The following MYO19 variants were observed in gnomAD, a reference collection of about 807,000 sequenced individuals.
MYO19 encodes unconventional myosin-XIX.
Under a neutral mutation model 129.2 loss-of-function variants are expected in MYO19, and 132 were observed. The ratio of observed to expected loss-of-function variants is 1.02; its 90% CI spans 0.89 to 1.18. MYO19 has a LOEUF of 1.18. Ranked by LOEUF, MYO19 falls within the 50% of genes most tolerant of loss-of-function variation. MYO19 has a pLI of 0.00. For synonymous variants in MYO19, 531 were observed against 477.2 expected (o/e 1.11, Z -1.47); for missense variants, 1,210 against 1,216.7 (o/e 0.99, Z 0.08).
rs889893403 is a variant in MYO19, at chr17:36,498,367, C to A, written c.2656G>T (p.Val886Phe). Reference sequence around the variant, plus strand: ...CTGGGGAGCTGGAGGCAAGCCCAGACCACTAATTTCCTCTGAAAGCTGCCT... The same window carrying A: ...CTGGGGAGCTGGAGGCAAGCCCAGAACACTAATTTCCTCTGAAAGCTGCCT... The part of the protein sequence containing the change: ...GVGSFQRKLV[V>F]WACLQLPRGS... Residue 886 changes from valine (V) to phenylalanine (F), a missense_variant, in exon 25 of 26, where the codon GTC becomes TTC. Physicochemically the swap from Val to Phe is conservative, Grantham distance 50. Transcript: ENST00000614623. 6.2e-7 allele frequency: 1 copy of A among 1,614,016 alleles called. No individual in the cohort carries two copies. The highest frequency in any genetic ancestry group is 1.7e-5 in the Admixed American group (1 of 60,028).
At chr17:36,510,657 C>G in intron 13 of MYO19, 89 bp downstream of exon 13, 1 of 1,416,840 alleles carries the variant, frequency 7.1e-7, no homozygotes, top group South Asian at 1.4e-5. Context: ...TGGGCCTGTG[C>G]CTATTGCCTG....
chr17:36,537,217 T>C, upstream of MYO19: 1 of 1,614,208 alleles, frequency 6.2e-7, no homozygotes, highest in Non-Finnish European at 8.5e-7. Flanking sequence ...AGAGGGTTCC[T>C]GATCATTTTC....
chr17:36,523,196 A>C lies in MYO19; in HGVS notation c.414+2032T>G, dbSNP rs572275257. 4.5e-4 allele frequency among the ~76,000 whole-genome samples: 69 copies of C among 151,776 alleles called. No individual in the cohort carries two copies. In the South Asian group the frequency reaches 5.2e-3, roughly 11 times the overall value. On this transcript the variant is annotated intron_variant, in intron 6 of 25. Coordinates refer to ENST00000614623, the MANE Select transcript of MYO19 (RefSeq NM_001163735.2). ...AAACCCTGTCTCAAAAAAAAAAAAA[A>C]AAAAACAAAAACAAAATAAAGAGAA... is the stretch of plus-strand genomic sequence containing the variant.
chr17:36,501,415 T>G (rs983478957), intron 21 of MYO19, 180 bp from the exon 22 acceptor site: 23 of 643,194 alleles, frequency 3.6e-5, no homozygotes, highest in African/African-American at 3.5e-4. Flanking sequence ...CTGTTGTCCC[T>G]CAGGGTGCTA....
intron 3 of MYO19, among the ~76,000 whole-genome samples, chr17:36,528,659 A>G (rs2073643494): frequency 6.6e-6 from 1 of 152,214 alleles, no homozygotes; most frequent in African/African-American, 2.4e-5. Flanking sequence ...GCCTCTTAGT[A>G]GCCCTGTGAG....
At chr17:36,510,650 G>A in intron 13 of MYO19, 96 bp downstream of exon 13, 3 of 1,363,930 alleles carry the variant, frequency 2.2e-6, no homozygotes, top group South Asian at 1.4e-5. Context: ...CCCACCCTGG[G>A]CCTGTGCCTA....
At chr17:36,513,602 C>A in intron 10 of MYO19, 27 bp downstream of exon 10, 2 of 1,613,844 alleles carry the variant, frequency 1.2e-6, no homozygotes, top group Non-Finnish European at 1.7e-6. Context: ...TGGGTCAGCG[C>A]AAGGTGCTGG....
upstream of MYO19, chr17:36,537,550 C>G (rs1349945345): frequency 1.9e-6 from 3 of 1,614,156 alleles, no homozygotes; most frequent in South Asian, 3.3e-5. Context: ...GTGGACTTCC[C>G]ACTTTTTCCC....
At chr17:36,517,329 G>A (rs1475303964) in intron 6 of MYO19, among the ~76,000 whole-genome samples, 4 of 152,044 alleles carry the variant, frequency 2.6e-5, no homozygotes, top group Non-Finnish European at 5.9e-5. Flanking sequence ...GCACGATCTC[G>A]GCTCACTGCA....
Position 36,511,355 on chromosome 17 carries a change from T to C in MYO19, c.985+10A>G. 1 of 1,568,844 alleles carries C rather than the reference T, an allele frequency of 6.4e-7. No individual in the cohort carries two copies. Among genetic ancestry groups the C allele is most frequent in the Non-Finnish European group, 8.6e-7 (1 of 1,156,832 alleles). Reference sequence around the variant, plus strand: ...ACAGGGCCTGCCCCATCCTACACCCTGACCCTCACACTTGGCATCATCCAT... The same window carrying C: ...ACAGGGCCTGCCCCATCCTACACCCCGACCCTCACACTTGGCATCATCCAT... On this transcript the variant is annotated intron_variant, in intron 12 of 25. Transcript: ENST00000614623.
chr17:36,497,176 A>C (rs1290910651), intron 25 of MYO19, among the ~76,000 whole-genome samples: 3 of 55,754 alleles, frequency 5.4e-5, no homozygotes, highest in Non-Finnish European at 4.9e-5. Flanking sequence ...TTAAAAATAC[A>C]AAAAAAAAAA....
intron 25 of MYO19, 126 bp from the exon 26 acceptor site, chr17:36,496,532 C>G (rs1683185528): frequency 1.2e-6 from 1 of 855,594 alleles, no homozygotes; most frequent in African/African-American, 1.7e-5. Context: ...GGGGCCACAG[C>G]AGGATTAAAA....
At chr17:36,522,080 T>C (rs530104380) in intron 6 of MYO19, among the ~76,000 whole-genome samples, 12 of 151,152 alleles carry the variant, frequency 7.9e-5, no homozygotes, top group South Asian at 6.3e-4. Context: ...ATAAAGTCTC[T>C]ATATTCAGAA....
chr17:36,496,514 T>A, intron 25 of MYO19, 108 bp from the exon 26 acceptor site: 1 of 1,019,072 alleles, frequency 9.8e-7, no homozygotes. Flanking sequence ...GGACAAGTAC[T>A]AGTATTGGGG....
Position 36,498,799 on chromosome 17 carries a change from T to A in MYO19, c.2464-240A>T, listed in dbSNP as rs1367415215. The A allele has an allele frequency of 2.3e-5, 14 of 597,060 alleles. No homozygotes were observed. In the Admixed American group the frequency reaches 4.2e-4, roughly 18 times the overall value. The allele number at this position is 597,060 out of a possible 1,614,324, so 37.0% of individuals were successfully genotyped here. On this transcript the variant is annotated intron_variant, in intron 24 of 25. Transcript: ENST00000614623. ...AACAAGATAAGAGTCCATCAAGATA[T>A]AACTGATATGCCATAAAACCCAGTC...
At chr17:36,498,882 CACCT>C (rs1555567956) in intron 24 of MYO19, 189 bp downstream of exon 24, 2 of 597,022 alleles carry the variant, frequency 3.3e-6, no homozygotes, top group Non-Finnish European at 6.0e-6. Context: ...TACCACTCTT[CACCT>C]ACATAACCAC....
At chr17:36,515,781 A>G (rs1355671723) in intron 7 of MYO19, 77 bp downstream of exon 7, 1 of 1,509,676 alleles carries the variant, frequency 6.6e-7, no homozygotes, top group South Asian at 1.3e-5. Flanking sequence ...GTCTCAAAGC[A>G]CTGTCCCTCT....
At chr17:36,516,434 A>G (rs2072754498) in intron 6 of MYO19, among the ~76,000 whole-genome samples, 3 of 151,796 alleles carry the variant, frequency 2.0e-5, no homozygotes, top group East Asian at 3.9e-4. Context: ...GCAATGGCAC[A>G]ATCTCAACTC....
At chr17:36,523,307 A>C (rs2073264434) in intron 6 of MYO19, among the ~76,000 whole-genome samples, 1 of 152,206 alleles carries the variant, frequency 6.6e-6, no homozygotes, top group African/African-American at 2.4e-5. Flanking sequence ...TCCATGCAAC[A>C]GCTGTGTGGC....
Sources: gnomAD v4.1 joint callset for allele counts (sites outside exome capture counted in the v4.1 genomes callset) on GRCh38, gnomAD v4.1.1 for gene constraint, MANE v1.5 for transcripts, NCBI Gene and HGNC (gene_info 2026-07-23, HGNC 2026-07-21) for gene names.